Variants in P4HA1 observed in about 807,000 individuals in gnomAD.
P4HA1 encodes prolyl 4-hydroxylase subunit alpha-1.
In P4HA1, 24 loss-of-function variants were observed where a neutral mutation model predicts 72.8. That is an observed-to-expected ratio of 0.33 (90% CI 0.24 to 0.46). The LOEUF is 0.46. P4HA1 is among the 20% of genes least tolerant of loss of function. The probability of loss-of-function intolerance (pLI) is 1.00; values close to 1 mark genes in which losing one functional copy is unlikely to be tolerated. For synonymous variants in P4HA1, 201 were observed against 218.8 expected, an observed-to-expected ratio of 0.92 and a Z score of 0.72; for missense variants, 446 against 640.6, an observed-to-expected ratio of 0.70 and a Z score of 3.28.
chr10:73,010,847 G>A, intron 13 of P4HA1, 122 bp downstream of exon 13: 2 of 693,026 alleles, frequency 2.9e-6, no homozygotes, highest in Non-Finnish European at 5.0e-6. Flanking sequence ...AACAGAGCGA[G>A]AACAGGTCTC....
At chr10:73,039,222 A>T (rs983190621) in intron 9 of P4HA1, among the ~76,000 whole-genome samples, 1 of 152,034 alleles carries the variant, frequency 6.6e-6, no homozygotes, top group Non-Finnish European at 1.5e-5. Context: ...AGTTGGAAGG[A>T]GCAGTGAGCT....
chr10:73,014,301 A>G lies in P4HA1; in HGVS notation c.1303-12T>C. ...TCTGGCTCATCTTTCTGTGAATAAA[A>G]ACACAGTAAATTCAATGGTGTAAAA... On this transcript the variant is annotated splice_polypyrimidine_tract_variant and intron_variant, in intron 11 of 14. Coordinates refer to ENST00000394890, the MANE Select transcript of P4HA1 (RefSeq NM_001017962.3). 1.9e-6 allele frequency: 3 copies of G among 1,599,070 alleles called. No homozygotes were observed. The highest frequency in any genetic ancestry group is 2.6e-6 in the Non-Finnish European group (3 of 1,166,612).
intron 4 of P4HA1, 24 bp downstream of exon 4, chr10:73,072,005 A>G: frequency 1.3e-6 from 2 of 1,563,426 alleles, no homozygotes; most frequent in African/African-American, 1.4e-5. Flanking sequence ...ATATTACCTT[A>G]CTCAGGAATC....
chr10:73,051,300 AG>A, intron 6 of P4HA1, 51 bp from the exon 7 acceptor site: 1 of 971,250 alleles, frequency 1.0e-6, no homozygotes, highest in South Asian at 1.5e-5. Flanking sequence ...TGCTTGTTCA[AG>A]CATCAGAATA....
chr10:73,048,939 C>T (rs1354224762), intron 7 of P4HA1, among the ~76,000 whole-genome samples: 3 of 152,072 alleles, frequency 2.0e-5, no homozygotes, highest in Non-Finnish European at 2.9e-5. Flanking sequence ...TCAAGACCAT[C>T]CTGGCTAACA....
chr10:73,083,126 G>A lies in P4HA1; in HGVS notation c.-32-8211C>T, dbSNP rs142104751. Among the ~76,000 whole-genome samples, 122 of 152,234 alleles carry A rather than the reference G, an allele frequency of 8.0e-4. 1 individual carries two copies. The Middle Eastern group carries it at 0.017, about 21-fold the overall frequency. On this transcript the variant is annotated intron_variant, in intron 1 of 14. Transcript: ENST00000394890. ...CATCTTAACAGGATGTATCTTCCAA[G>A]ACAAGTAAGAGTAATTACTAATAGA...
intron 1 of P4HA1, among the ~76,000 whole-genome samples, chr10:73,081,682 G>C (rs559819204): frequency 3.3e-5 from 5 of 152,302 alleles, no homozygotes; most frequent in Admixed American, 6.5e-5. Flanking sequence ...ACATAGGACA[G>C]TTTGACTTAG....
At chr10:73,066,414 G>C (rs944754671) in intron 5 of P4HA1, among the ~76,000 whole-genome samples, 3 of 152,162 alleles carry the variant, frequency 2.0e-5, no homozygotes, top group Admixed American at 6.5e-5. Flanking sequence ...GGACCATTTT[G>C]ATGGGAATAT....
intron 10 of P4HA1, among the ~76,000 whole-genome samples, chr10:73,020,848 A>T (rs1840118574): frequency 6.6e-6 from 1 of 152,328 alleles, no homozygotes; most frequent in Admixed American, 6.5e-5. Context: ...AAAATTCAGC[A>T]TCCTGGCCAG....
intron 1 of P4HA1, among the ~76,000 whole-genome samples, chr10:73,094,363 G>A (rs916172968): frequency 2.0e-5 from 3 of 152,002 alleles, no homozygotes; most frequent in Non-Finnish European, 4.4e-5. Flanking sequence ...TACTTTTTAG[G>A]GGTTCTTATA....
intron 13 of P4HA1, 71 bp from the exon 14 acceptor site, chr10:73,009,974 T>TC: frequency 1.4e-6 from 1 of 721,152 alleles, no homozygotes; most frequent in South Asian, 1.7e-5. Flanking sequence ...GTTATTACTT[T>TC]TTTTTTTTTT....
chr10:73,074,976 C>A, intron 1 of P4HA1, 61 bp from the exon 2 acceptor site: 1 of 635,704 alleles, frequency 1.6e-6, no homozygotes, highest in Non-Finnish European at 2.8e-6. Context: ...AGGAAAAGTT[C>A]CTTATCTATT....
chr10:73,096,018 CAGAG>C (rs1187616544), intron 1 of P4HA1, among the ~76,000 whole-genome samples: 8 of 152,258 alleles, frequency 5.3e-5, no homozygotes, highest in African/African-American at 1.4e-4. Flanking sequence ...CAGAGAGAGA[CAGAG>C]AGACAGAGAT....
chr10:73,083,193 T>C (rs939495306), intron 1 of P4HA1, among the ~76,000 whole-genome samples: 5 of 152,210 alleles, frequency 3.3e-5, no homozygotes, highest in Admixed American at 6.5e-5. Flanking sequence ...CCTCTGCAAA[T>C]TGCCATTGTT....
At chr10:73,070,142 CTTT>C (rs71021546) in intron 4 of P4HA1, among the ~76,000 whole-genome samples, 8 of 64,494 alleles carry the variant, frequency 1.2e-4, no homozygotes, top group Admixed American at 6.7e-4. Context: ...GAGACCAGGC[CTTT>C]TTTTTTTTTT....
At chr10:73,043,308 A>C (rs1840779837) in intron 9 of P4HA1, among the ~76,000 whole-genome samples, 1 of 152,194 alleles carries the variant, frequency 6.6e-6, no homozygotes, top group African/African-American at 2.4e-5. Flanking sequence ...TTCTATTTTC[A>C]TGAGAGCCGA....
chr10:73,038,954 C>T (rs1255460520), intron 9 of P4HA1, among the ~76,000 whole-genome samples: 1 of 152,072 alleles, frequency 6.6e-6, no homozygotes, highest in Non-Finnish European at 1.5e-5. Flanking sequence ...GTGGAAAAGA[C>T]AGAGATGACT....
chr10:73,074,350 T>G (rs908838109), intron 2 of P4HA1, among the ~76,000 whole-genome samples: 2 of 152,148 alleles, frequency 1.3e-5, no homozygotes, highest in African/African-American at 4.8e-5. Context: ...GCGTGGCAGC[T>G]CATGCCTGTC....
intron 9 of P4HA1, among the ~76,000 whole-genome samples, chr10:73,042,074 T>A (rs918461016): frequency 6.6e-6 from 1 of 152,048 alleles, no homozygotes; most frequent in African/African-American, 2.4e-5. Flanking sequence ...CGGTCTTCAT[T>A]TCTAAAGGCT....
Sources: allele counts gnomAD v4.1 joint callset (sites outside exome capture counted in the v4.1 genomes callset), GRCh38; gene constraint gnomAD v4.1.1; transcripts MANE v1.5; gene names NCBI Gene and HGNC (gene_info 2026-07-23, HGNC 2026-07-21).